Variants in ATG4A observed in about 807,000 individuals in gnomAD.
The protein encoded by ATG4A is cysteine protease ATG4A.
ATG4A carries 22 observed loss-of-function variants against 38.4 expected under a neutral mutation model. The ratio of observed to expected loss-of-function variants is 0.57; its 90% CI spans 0.41 to 0.82. The LOEUF (loss-of-function observed/expected upper bound fraction) is 0.82, where lower values mean the gene tolerates loss of function less well. Among genes scored for constraint, ATG4A ranks in the 40% least tolerant of loss-of-function variants. ATG4A has a pLI of 0.00. For synonymous variants in ATG4A, 86 were observed against 100.7 expected (o/e 0.85, Z 0.88); for missense variants, 220 against 290.0 (o/e 0.76, Z 1.75).
chrX:108,098,985 C>A (rs958581257), intron 1 of ATG4A, among the ~76,000 whole-genome samples: 2 of 111,226 alleles, frequency 1.8e-5, no homozygotes, highest in Admixed American at 1.9e-4. Flanking sequence ...AAATTTTCAT[C>A]TCTCTGAGAT....
chrX:108,091,617 A>G (rs2031622643), upstream of ATG4A: 5 of 939,696 alleles, frequency 5.3e-6, no homozygotes, highest in Non-Finnish European at 7.6e-6. Context: ...AGCTTCACCA[A>G]TCACCGGCCT....
chrX:108,152,942 C>G (rs772659909), intron 11 of ATG4A, 37 bp from the exon 12 acceptor site: 22 of 1,040,527 alleles, frequency 2.1e-5, no homozygotes, highest in Non-Finnish European at 3.0e-5. Context: ...AATGTTGTGA[C>G]TCTGAAGTAT....
At chrX:108,150,402 A>G in intron 10 of ATG4A, 105 bp downstream of exon 10, 8 of 1,038,084 alleles carry the variant, frequency 7.7e-6, no homozygotes, top group South Asian at 2.1e-5. Flanking sequence ...ATGTTTGCTC[A>G]CTATCCCCAT....
At chrX:108,152,594 A>G (rs763500504) in intron 11 of ATG4A, among the ~76,000 whole-genome samples, 13 of 111,916 alleles carry the variant, frequency 1.2e-4, no homozygotes, top group Non-Finnish European at 2.1e-4. Flanking sequence ...AAACCATGCC[A>G]ATATGTAGCA....
chrX:108,134,511 C>T (rs983861325), intron 6 of ATG4A, 100 bp downstream of exon 6: 62 of 733,144 alleles, frequency 8.5e-5, no homozygotes, highest in Non-Finnish European at 1.1e-4. Context: ...CTTGCAATCC[C>T]GCTAAGCTAC....
intron 7 of ATG4A, 78 bp from the exon 8 acceptor site, chrX:108,137,726 C>T: frequency 1.0e-6 from 1 of 994,216 alleles, no homozygotes; most frequent in African/African-American, 1.9e-5. Flanking sequence ...TGTGAGGTTC[C>T]CCTTAGTTTT....
chrX:108,125,883 G>C (rs1406539507), intron 1 of ATG4A, among the ~76,000 whole-genome samples, 194 bp from the exon 2 acceptor site: 1 of 112,129 alleles, frequency 8.9e-6, no homozygotes, highest in African/African-American at 3.2e-5. Context: ...GGTCAAAAGA[G>C]ATGGTCAAGA....
Position 108,127,716 on chromosome X carries a change from G to A in ATG4A, c.122-1065G>A, listed in dbSNP as rs777907945. 4.2e-3 allele frequency among the ~76,000 whole-genome samples: 476 copies of A among 112,369 alleles called. 1 individual carries two copies. Among genetic ancestry groups the A allele is most frequent in the Non-Finnish European group, 7.8e-3 (417 of 53,247 alleles). On this transcript the variant is annotated intron_variant, in intron 2 of 12. Transcript: ENST00000372232. Reference sequence around the variant, plus strand: ...CCAAAGAAAAGGAAGACAGAAAATAGAAACTATTGGCTAAAAGTAGATTTC... The same window carrying A: ...CCAAAGAAAAGGAAGACAGAAAATAAAAACTATTGGCTAAAAGTAGATTTC...
intron 4 of ATG4A, among the ~76,000 whole-genome samples, chrX:108,132,500 G>A (rs1330915973): frequency 9.0e-6 from 1 of 111,674 alleles, no homozygotes; most frequent in African/African-American, 3.3e-5. Flanking sequence ...TTCAGGGCTT[G>A]TTACCTTCTC....
chrX:108,094,101 T>C (rs777245846), intron 1 of ATG4A, among the ~76,000 whole-genome samples: 1 of 111,875 alleles, frequency 8.9e-6, no homozygotes, highest in African/African-American at 3.2e-5. Context: ...TTTTCTTTCA[T>C]GGACCATTCT....
At chrX:108,147,151 C>T (rs1327195914) in intron 9 of ATG4A, among the ~76,000 whole-genome samples, 1 of 111,524 alleles carries the variant, frequency 9.0e-6, no homozygotes, top group Non-Finnish European at 1.9e-5. Context: ...TTGGGGGTGG[C>T]TCCTGAGGAG....
intron 1 of ATG4A, among the ~76,000 whole-genome samples, chrX:108,123,161 T>C (rs1296174200): frequency 8.9e-6 from 1 of 111,955 alleles, no homozygotes; most frequent in African/African-American, 3.3e-5. Flanking sequence ...ATAATTATTA[T>C]TAAAGTACAG....
At position 108,138,152 on chromosome X, in the gene ATG4A, G is replaced by A; in HGVS notation, c.775G>A (p.Gly259Arg). 1 of 1,210,634 alleles carries A rather than the reference G, an allele frequency of 8.3e-7. No homozygotes were observed. The highest frequency in any genetic ancestry group is 1.8e-5 in the South Asian group (1 of 56,955). The change falls in exon 9 of 13, where the codon GGA (glycine) becomes AGA (arginine). Residue 259 changes from glycine to arginine, a missense_variant. By Grantham distance (125) the Gly-to-Arg change is moderately radical (BLOSUM62 -2). Around this residue, in one of 3 missense-constraint regions of ATG4A, gnomAD observed 159 missense variants for 188.9 expected, o/e 0.84. Transcript: ENST00000372232. ...GCCACAGTCTTTAGGGGCATTAGGAGGAAAACCAAATAACGCGTATTATTT... is the reference window on the plus strand; with the variant it reads ...GCCACAGTCTTTAGGGGCATTAGGAAGAAAACCAAATAACGCGTATTATTT... ...KMPQSLGALGGKPNNAYYFIG... is the reference protein window; with the variant it reads ...KMPQSLGALGRKPNNAYYFIG...
chrX:108,089,832 T>A (rs904186116), upstream of ATG4A, among the ~76,000 whole-genome samples: 14 of 111,377 alleles, frequency 1.3e-4, no homozygotes, highest in African/African-American at 4.6e-4. Flanking sequence ...AAACTCTGTT[T>A]CAAAAAATAA....
At chrX:108,116,064 T>G (rs1194994095) in intron 1 of ATG4A, among the ~76,000 whole-genome samples, 1 of 111,976 alleles carries the variant, frequency 8.9e-6, no homozygotes, top group Non-Finnish European at 1.9e-5. Context: ...AGCTGTATCT[T>G]TTTTGGATGG....
At chrX:108,137,657 G>A (rs1417015216) in intron 7 of ATG4A, 147 bp from the exon 8 acceptor site, 12 of 497,620 alleles carry the variant, frequency 2.4e-5, no homozygotes, top group Non-Finnish European at 3.8e-5. Context: ...TTGTGCAGGC[G>A]GGGAGTCAGC....
intron 9 of ATG4A, 130 bp from the exon 10 acceptor site, chrX:108,150,022 G>C: frequency 1.3e-6 from 1 of 796,367 alleles, no homozygotes; most frequent in Non-Finnish European, 1.8e-6. Context: ...CCTGGCTTCA[G>C]GCTTTCTGTC....
intron 10 of ATG4A, 99 bp from the exon 11 acceptor site, chrX:108,151,703 C>T (rs748264154): frequency 2.4e-6 from 2 of 845,039 alleles, no homozygotes; most frequent in African/African-American, 2.0e-5. Context: ...TGAGAAGTCA[C>T]ATCCACAGAG....
intron 7 of ATG4A, 103 bp from the exon 8 acceptor site, chrX:108,137,701 G>A: frequency 1.2e-6 from 1 of 850,307 alleles, no homozygotes; most frequent in South Asian, 3.2e-5. Context: ...GGCCTTCTAG[G>A]CAGGGTGGGG....
Sources: allele counts gnomAD v4.1 joint callset (sites outside exome capture counted in the v4.1 genomes callset), GRCh38; gene constraint gnomAD v4.1.1; regional missense constraint gnomAD v4.1.1; transcripts MANE v1.5; gene names NCBI Gene and HGNC (gene_info 2026-07-23, HGNC 2026-07-21).